Variants in IL16 observed in about 807,000 individuals in gnomAD.
IL16 encodes the protein pro-interleukin-16.
A neutral mutation model predicts 110.1 loss-of-function variants in IL16; 67 were observed. The ratio of observed to expected loss-of-function variants is 0.61; its 90% confidence interval spans 0.50 to 0.75. The LOEUF (loss-of-function observed/expected upper bound fraction) is 0.75. IL16 is among the 30% of genes least tolerant of loss of function. The pLI is 0.00. For synonymous variants in IL16, 689 were observed against 662.9 expected (o/e 1.04, Z -0.61); for missense variants, 1,545 against 1,655.0 (o/e 0.93, Z 1.15).
chr15:81,244,971 A>G (rs1897486532), intron 2 of IL16, among the ~76,000 whole-genome samples: 1 of 151,876 alleles, frequency 6.6e-6, no homozygotes, highest in Non-Finnish European at 1.5e-5. Context: ...GTTTATTTTG[A>G]TAATTATATT....
intron 10 of IL16, chr15:81,289,880 T>A: frequency 2.2e-6 from 1 of 446,922 alleles, no homozygotes; most frequent in Non-Finnish European, 4.5e-6. Context: ...TGAAGTGGGT[T>A]TTATTATTGT....
chr15:81,189,127 T>C (rs963621875), intron 1 of IL16, among the ~76,000 whole-genome samples: 50 of 150,242 alleles, frequency 3.3e-4, no homozygotes, highest in Non-Finnish European at 6.4e-4. Context: ...ATAATTTTTT[T>C]TTTTTTTTTT....
chr15:81,263,717 C>G (rs1254015622), intron 3 of IL16, among the ~76,000 whole-genome samples: 2 of 152,160 alleles, frequency 1.3e-5, no homozygotes, highest in Non-Finnish European at 2.9e-5. Context: ...CTCTGTGAAC[C>G]ATTCCAAGTT....
At chr15:81,238,738 G>T (rs1162458431) in intron 2 of IL16, among the ~76,000 whole-genome samples, 1 of 150,092 alleles carries the variant, frequency 6.7e-6, no homozygotes, top group East Asian at 1.9e-4. Context: ...CTTTCCAAAG[G>T]TTCCAGACAT....
In IL16 at chr15:81,278,819, G is replaced by A. The variant is rs377351117; in HGVS notation, c.793G>A (p.Asp265Asn). ...AAADGRLQEGDEILELNGESM... is the reference protein window; with the variant it reads ...AAADGRLQEGNEILELNGESM... ...CTACACTTTCTCTCTCTAAACAGGT[G>A]ATGAAATTCTGGAGCTCAATGGTGA... Residue 265 changes from aspartate (D) to asparagine (N), a missense_variant and splice_region_variant, in exon 7 of 19, where the codon GAT becomes AAT. By Grantham distance (23) the Asp-to-Asn change is conservative. Transcript: ENST00000683961. The A allele has an allele frequency of 6.2e-7, 1 of 1,605,918 alleles. No individual in the cohort carries two copies. Among genetic ancestry groups the A allele is most frequent in the Admixed American group, 1.7e-5 (1 of 60,024 alleles).
chr15:81,218,885 A>C (rs1369397677), intron 1 of IL16, among the ~76,000 whole-genome samples: 2 of 151,836 alleles, frequency 1.3e-5, no homozygotes, highest in Non-Finnish European at 2.9e-5. Flanking sequence ...TCTCCCATTC[A>C]TATACATTTA....
At chr15:81,229,071 A>C (rs146885736) in intron 2 of IL16, among the ~76,000 whole-genome samples, 157 of 152,322 alleles carry the variant, frequency 1.0e-3, no homozygotes, top group Non-Finnish European at 1.5e-3. Flanking sequence ...TGGGGGCACT[A>C]ATTCTGAGGA....
chr15:81,183,282 G>A (rs1361568406), intron 1 of IL16, among the ~76,000 whole-genome samples: 1 of 152,116 alleles, frequency 6.6e-6, no homozygotes, highest in African/African-American at 2.4e-5. Context: ...TAGCTGTCAG[G>A]GTCCCCACCA....
intron 2 of IL16, among the ~76,000 whole-genome samples, chr15:81,248,484 TTTA>T (rs1342401984): frequency 4.7e-5 from 7 of 149,960 alleles, no homozygotes; most frequent in Non-Finnish European, 8.9e-5. Context: ...TAAAATTATT[TTTA>T]TTATTATATT....
At chr15:81,291,427 G>A (rs1899711975) in intron 11 of IL16, among the ~76,000 whole-genome samples, 1 of 151,944 alleles carries the variant, frequency 6.6e-6, no homozygotes. Context: ...CTCTAAGGAG[G>A]ATGCATTATT....
intron 2 of IL16, among the ~76,000 whole-genome samples, chr15:81,249,934 A>G (rs1897708160): frequency 6.6e-6 from 1 of 152,132 alleles, no homozygotes; most frequent in Non-Finnish European, 1.5e-5. Context: ...AACACTGTCT[A>G]ATACACTTTT....
intron 11 of IL16, 174 bp from the exon 12 acceptor site, chr15:81,292,382 C>T: frequency 1.1e-6 from 1 of 918,174 alleles, no homozygotes; most frequent in Non-Finnish European, 1.7e-6. Flanking sequence ...CAAAGTCATA[C>T]AGCTCGCCAG....
intron 1 of IL16, among the ~76,000 whole-genome samples, chr15:81,183,552 G>T (rs1032671938): frequency 1.3e-5 from 2 of 152,206 alleles, no homozygotes; most frequent in Non-Finnish European, 2.9e-5. Context: ...TAACACTGGC[G>T]AAACTTCAGC....
At chr15:81,271,197 G>C (rs1239742770) in intron 5 of IL16, among the ~76,000 whole-genome samples, 1 of 151,958 alleles carries the variant, frequency 6.6e-6, no homozygotes, top group Non-Finnish European at 1.5e-5. Flanking sequence ...GAGGCCTCCT[G>C]TTTGAGTCCT....
Position 81,312,371 on chromosome 15 carries a change from G to A in IL16, c.*3573G>A, listed in dbSNP as rs1295831464. The A allele has an allele frequency of 6.6e-6, 1 of 152,260 alleles. No individual in the cohort carries two copies. Among genetic ancestry groups the A allele is most frequent in the African/African-American group, 2.4e-5 (1 of 41,456 alleles). 9.4% of individuals were successfully genotyped at this position (152,260 alleles called of 1,614,324 possible). On this transcript the variant is annotated 3_prime_UTR_variant, in exon 19 of 19. Transcript: ENST00000683961. Reference sequence around the variant, plus strand: ...GCCTACTCTTCCATCTTTCCTGATGGCAGGATGGCCTGGCCAGGGCCTGGA... The same window carrying A: ...GCCTACTCTTCCATCTTTCCTGATGACAGGATGGCCTGGCCAGGGCCTGGA...
intron 2 of IL16, among the ~76,000 whole-genome samples, chr15:81,258,706 T>A (rs982917330): frequency 9.2e-5 from 14 of 151,884 alleles, no homozygotes; most frequent in African/African-American, 3.2e-4. Flanking sequence ...CCTGACCTGC[T>A]CTCTCTCTGT....
At chr15:81,219,768 TC>T (rs1380277610) in intron 1 of IL16, among the ~76,000 whole-genome samples, 1 of 152,160 alleles carries the variant, frequency 6.6e-6, no homozygotes, top group Non-Finnish European at 1.5e-5. Context: ...CATTCTGTGG[TC>T]CTAGCTGAGA....
At chr15:81,191,459 T>G (rs2141922292) in intron 1 of IL16, among the ~76,000 whole-genome samples, 1 of 152,334 alleles carries the variant, frequency 6.6e-6, no homozygotes. Flanking sequence ...ATGCATTGAT[T>G]CACTCAGTAA....
intron 2 of IL16, among the ~76,000 whole-genome samples, chr15:81,244,335 T>C (rs1215626373): frequency 6.6e-6 from 1 of 152,176 alleles, no homozygotes; most frequent in African/African-American, 2.4e-5. Context: ...TTGTTTTCCT[T>C]CTGTTTCGTG....
Sources: gnomAD v4.1 joint callset for allele counts (sites outside exome capture counted in the v4.1 genomes callset) on GRCh38, gnomAD v4.1.1 for gene constraint, MANE v1.5 for transcripts, NCBI Gene and HGNC (gene_info 2026-07-23, HGNC 2026-07-21) for gene names.